Variants in MARCHF8 observed in about 807,000 individuals in gnomAD.
MARCHF8 encodes E3 ubiquitin-protein ligase MARCHF8.
In MARCHF8, 40 loss-of-function variants were observed where a neutral mutation model predicts 51.6. The ratio of observed to expected loss-of-function variants is 0.77; its 90% confidence interval spans 0.60 to 1.01. The LOEUF (loss-of-function observed/expected upper bound fraction) is 1.01. Ranked by LOEUF, MARCHF8 falls within the 50% of genes least tolerant of loss-of-function variation. The pLI is 0.00. For synonymous variants in MARCHF8, 263 were observed against 280.3 expected (o/e 0.94, Z 0.62); for missense variants, 685 against 708.6 (o/e 0.97, Z 0.38).
chr10:45,471,438 C>T (rs1462169251), intron 3 of MARCHF8, among the ~76,000 whole-genome samples: 1 of 152,070 alleles, frequency 6.6e-6, no homozygotes, highest in Non-Finnish European at 1.5e-5. Flanking sequence ...CTTCACAGTC[C>T]CAGAAACTAA....
chr10:45,552,945 A>C (rs1295669303), intron 1 of MARCHF8, among the ~76,000 whole-genome samples: 4 of 152,274 alleles, frequency 2.6e-5, no homozygotes, highest in Non-Finnish European at 4.4e-5. Flanking sequence ...AAAAGTAAGA[A>C]GTTACTATTT....
chr10:45,490,324 C>T (rs552249875), intron 2 of MARCHF8, among the ~76,000 whole-genome samples: 2 of 152,158 alleles, frequency 1.3e-5, no homozygotes, highest in Non-Finnish European at 2.9e-5. Flanking sequence ...ATAGTAGTCC[C>T]GGCTACTCAG....
At chr10:45,517,366 A>C (rs191904539) in intron 2 of MARCHF8, among the ~76,000 whole-genome samples, 138 of 152,272 alleles carry the variant, frequency 9.1e-4, no homozygotes, top group African/African-American at 2.6e-3. Context: ...TTTAATTGCC[A>C]ATGTTGGAGG....
At chr10:45,557,900 C>T (rs553729608) in intron 1 of MARCHF8, among the ~76,000 whole-genome samples, 2 of 152,252 alleles carry the variant, frequency 1.3e-5, no homozygotes, top group South Asian at 4.1e-4. Context: ...AAGTCTCATT[C>T]AACAGACTTT....
At chr10:45,577,724 G>GT (rs2044506200) in intron 1 of MARCHF8, among the ~76,000 whole-genome samples, 2 of 152,122 alleles carry the variant, frequency 1.3e-5, no homozygotes, top group Admixed American at 1.3e-4. Context: ...TGTTATAGCA[G>GT]CATAACGAAC....
upstream of MARCHF8, among the ~76,000 whole-genome samples, chr10:45,539,206 C>A (rs112646383): frequency 6.6e-6 from 1 of 151,994 alleles, no homozygotes; most frequent in Admixed American, 6.6e-5. Context: ...AACAACCTGC[C>A]CCTGAATGAC....
At chr10:45,489,010 T>C (rs1589112062) in intron 3 of MARCHF8, among the ~76,000 whole-genome samples, 1 of 152,184 alleles carries the variant, frequency 6.6e-6, no homozygotes, top group South Asian at 2.1e-4. Flanking sequence ...ATGAACCATA[T>C]AAATCCATAA....
chr10:45,465,681 C>T (rs1245660947), intron 3 of MARCHF8, among the ~76,000 whole-genome samples: 1 of 152,228 alleles, frequency 6.6e-6, no homozygotes, highest in East Asian at 1.9e-4. Context: ...TTCAACAGCA[C>T]TTTAATGCAA....
In MARCHF8 at chr10:45,458,222, T is replaced by C. The variant is rs1842666888; in HGVS notation, c.*17A>G. 1 of 1,588,224 alleles carries C rather than the reference T, an allele frequency of 6.3e-7. No individual in the cohort carries two copies. The highest frequency in any genetic ancestry group is 8.6e-7 in the Non-Finnish European group (1 of 1,168,414). Reference sequence around the variant, plus strand: ...AGCTCTTCATGGATGTCCAGGAAAATGACAACCCGCACACAATCAGACGTG... The same window carrying C: ...AGCTCTTCATGGATGTCCAGGAAAACGACAACCCGCACACAATCAGACGTG... On this transcript the variant is annotated 3_prime_UTR_variant, in exon 8 of 8. Transcript: ENST00000453424.
At chr10:45,569,064 C>CAAAA (rs71023131) in intron 1 of MARCHF8, among the ~76,000 whole-genome samples, 2 of 64,380 alleles carry the variant, frequency 3.1e-5, no homozygotes, top group Admixed American at 1.8e-4. Flanking sequence ...GACTCCATCT[C>CAAAA]AAAAAAAAAA....
At chr10:45,472,796 G>A (rs2042716696) in intron 3 of MARCHF8, among the ~76,000 whole-genome samples, 1 of 152,188 alleles carries the variant, frequency 6.6e-6, no homozygotes, top group African/African-American at 2.4e-5. Context: ...CTTTGCAAAA[G>A]GGGAGCTGAA....
chr10:45,475,412 G>C lies in MARCHF8; in HGVS notation c.154-11085C>G, dbSNP rs548791455. Among the ~76,000 whole-genome samples the C allele has an allele frequency of 9.4e-4, 143 of 152,154 alleles. 2 individuals are homozygous for C. Among genetic ancestry groups the C allele is most frequent in the Non-Finnish European group, 1.4e-3 (92 of 68,018 alleles). ...AGAGCCTGAATGCATCCCCGGGGGGGGCTGAAGTATGTCCTACCCAGTTCC... is the reference window on the plus strand; with the variant it reads ...AGAGCCTGAATGCATCCCCGGGGGGCGCTGAAGTATGTCCTACCCAGTTCC... On this transcript the variant is annotated intron_variant, in intron 3 of 7. Coordinates refer to ENST00000453424, the MANE Select transcript of MARCHF8 (RefSeq NM_001282866.2).
At chr10:45,561,900 C>CAAAAAA (rs34329041) in intron 1 of MARCHF8, among the ~76,000 whole-genome samples, 1 of 41,490 alleles carries the variant, frequency 2.4e-5, no homozygotes. Flanking sequence ...GACTCCGTCT[C>CAAAAAA]AAAAAAAAAA....
intron 3 of MARCHF8, among the ~76,000 whole-genome samples, chr10:45,474,659 AC>A (rs1433094254): frequency 6.6e-6 from 1 of 152,256 alleles, no homozygotes; most frequent in African/African-American, 2.4e-5. Context: ...TACCTCCTCT[AC>A]AAAGAAGAAC....
At chr10:45,539,958 G>A (rs1026366362), upstream of MARCHF8, among the ~76,000 whole-genome samples, 2 of 152,028 alleles carry the variant, frequency 1.3e-5, no homozygotes, top group African/African-American at 2.4e-5. Context: ...ATTGTTTCAA[G>A]GAGAATAAAA....
chr10:45,462,220 G>A (rs1325100700), intron 5 of MARCHF8: 1 of 152,290 alleles, frequency 6.6e-6, no homozygotes, highest in African/African-American at 2.4e-5. Flanking sequence ...ATGACAGCTG[G>A]CACTAAGGAG....
At chr10:45,583,328 T>A (rs1049225475) in intron 1 of MARCHF8, among the ~76,000 whole-genome samples, 4 of 152,186 alleles carry the variant, frequency 2.6e-5, no homozygotes, top group Non-Finnish European at 5.9e-5. Flanking sequence ...CACTATCCAA[T>A]TTAAATCTCC....
intron 2 of MARCHF8, among the ~76,000 whole-genome samples, chr10:45,526,150 T>C (rs565560683): frequency 6.6e-6 from 1 of 152,218 alleles, no homozygotes; most frequent in South Asian, 2.1e-4. Context: ...AGCTAGTACA[T>C]GCCTCTTCCA....
chr10:45,578,903 G>A (rs553444526), intron 1 of MARCHF8, among the ~76,000 whole-genome samples: 1 of 152,298 alleles, frequency 6.6e-6, no homozygotes, highest in African/African-American at 2.4e-5. Context: ...GAATGACAAT[G>A]AAAGGTTAAC....
Sources: gnomAD v4.1 joint callset for allele counts (sites outside exome capture counted in the v4.1 genomes callset) on GRCh38, gnomAD v4.1.1 for gene constraint, MANE v1.5 for transcripts, NCBI Gene and HGNC (gene_info 2026-07-23, HGNC 2026-07-21) for gene names.